The following NRXN1 variants were observed in gnomAD, a reference collection of about 807,000 sequenced individuals.
NRXN1 encodes the protein neurexin-1.
NRXN1 carries 39 observed loss-of-function variants against 150.9 expected under a neutral mutation model. The ratio of observed to expected loss-of-function variants is 0.26; its 90% CI spans 0.20 to 0.34. NRXN1 has a LOEUF of 0.34. NRXN1 is among the 10% of genes least tolerant of loss of function. The probability of loss-of-function intolerance (pLI) is 1.00; values close to 1 mark genes in which losing one functional copy is unlikely to be tolerated. For synonymous variants in NRXN1, 924 were observed against 757.0 expected, an observed-to-expected ratio of 1.22 and a Z score of -3.62; for missense variants, 1,815 against 1,949.9, an observed-to-expected ratio of 0.93 and a Z score of 1.30.
chr2:50,724,931 C>A (rs1697145310), intron 5 of NRXN1, among the ~76,000 whole-genome samples: 1 of 150,996 alleles, frequency 6.6e-6, no homozygotes. Flanking sequence ...AACAAAAAAA[C>A]TGTTGAACAC....
chr2:50,891,678 T>C (rs1253701255), intron 5 of NRXN1, among the ~76,000 whole-genome samples: 4 of 152,094 alleles, frequency 2.6e-5, no homozygotes, highest in Admixed American at 2.0e-4. Flanking sequence ...TATCTTGATA[T>C]ACAAAGTATA....
intron 19 of NRXN1, among the ~76,000 whole-genome samples, chr2:50,057,354 A>T (rs915411294): frequency 6.6e-6 from 1 of 151,998 alleles, no homozygotes; most frequent in Non-Finnish European, 1.5e-5. Context: ...TTCCCACCTC[A>T]TCTCTATCTT....
intron 18 of NRXN1, among the ~76,000 whole-genome samples, chr2:50,157,509 T>C (rs2059096275): frequency 6.6e-6 from 1 of 152,052 alleles, no homozygotes; most frequent in African/African-American, 2.4e-5. Context: ...CAATTCTTAT[T>C]ACAAGACTTT....
Position 50,090,030 on chromosome 2 carries a change from T to C in NRXN1, c.3718+1293A>G, listed in dbSNP as rs183382694. ...CAGCAAATATTTACTGAATGCCTAC[T>C]ATTTGCCAGTATTATAACAGGCACT... On this transcript the variant is annotated intron_variant, in intron 19 of 22. Coordinates refer to ENST00000401669, the MANE Select transcript of NRXN1 (RefSeq NM_001330078.2). Among the ~76,000 whole-genome samples the C allele has an allele frequency of 6.6e-5, 10 of 152,340 alleles. No individual in the cohort carries two copies. The East Asian group carries it at 1.7e-3, about 26-fold the overall frequency.
chr2:50,579,889 T>C (rs982606163), intron 8 of NRXN1, among the ~76,000 whole-genome samples: 1 of 152,110 alleles, frequency 6.6e-6, no homozygotes, highest in African/African-American at 2.4e-5. Context: ...AAGATGGCAA[T>C]GTCACTAAAG....
At chr2:50,737,724 T>C (rs1047735897) in intron 5 of NRXN1, among the ~76,000 whole-genome samples, 1 of 152,114 alleles carries the variant, frequency 6.6e-6, no homozygotes, top group African/African-American at 2.4e-5. Flanking sequence ...GGTAAAACTT[T>C]GCAATTTTTA....
At chr2:50,407,605 C>T (rs951288619) in intron 17 of NRXN1, among the ~76,000 whole-genome samples, 7 of 151,882 alleles carry the variant, frequency 4.6e-5, no homozygotes, top group Non-Finnish European at 8.8e-5. Flanking sequence ...TGTGTTAATC[C>T]ATCTGTGGAT....
chr2:50,547,077 T>G (rs934100385), intron 9 of NRXN1, among the ~76,000 whole-genome samples: 3 of 152,208 alleles, frequency 2.0e-5, no homozygotes, highest in African/African-American at 7.2e-5. Context: ...CCTCTAATTA[T>G]GTGCTCTTGA....
At chr2:50,272,269 C>T (rs1343466241) in intron 17 of NRXN1, among the ~76,000 whole-genome samples, 3 of 152,174 alleles carry the variant, frequency 2.0e-5, no homozygotes, top group Non-Finnish European at 4.4e-5. Flanking sequence ...AGACCTATGA[C>T]ACCAGTTCAC....
intron 5 of NRXN1, among the ~76,000 whole-genome samples, chr2:50,896,770 C>A (rs1278666054): frequency 6.6e-6 from 1 of 152,006 alleles, no homozygotes; most frequent in Non-Finnish European, 1.5e-5. Context: ...TCGCTTGAGC[C>A]CGGGAGGTGG....
intron 17 of NRXN1, among the ~76,000 whole-genome samples, chr2:50,351,763 G>C (rs897274098): frequency 7.2e-5 from 11 of 152,144 alleles, no homozygotes; most frequent in Non-Finnish European, 1.6e-4. Flanking sequence ...ATCCCTAACA[G>C]TTCTTAGTCA....
chr2:50,187,784 A>C (rs550260512), intron 18 of NRXN1, among the ~76,000 whole-genome samples: 5 of 152,166 alleles, frequency 3.3e-5, no homozygotes, highest in African/African-American at 1.2e-4. Flanking sequence ...GTTTTCCTTG[A>C]AGAGGTCCTT....
intron 17 of NRXN1, among the ~76,000 whole-genome samples, chr2:50,439,364 C>T (rs1467000561): frequency 1.3e-5 from 2 of 152,130 alleles, no homozygotes; most frequent in Non-Finnish European, 2.9e-5. Flanking sequence ...TAAGAAAACC[C>T]TTAAGGAAAA....
At chr2:50,446,877 T>C (rs2086461847) in intron 17 of NRXN1, among the ~76,000 whole-genome samples, 1 of 152,096 alleles carries the variant, frequency 6.6e-6, no homozygotes, top group Non-Finnish European at 1.5e-5. Flanking sequence ...AAGTACTTAT[T>C]CAATGGCCAA....
intron 8 of NRXN1, among the ~76,000 whole-genome samples, chr2:50,554,155 T>C (rs1464694085): frequency 1.3e-5 from 2 of 151,508 alleles, no homozygotes; most frequent in Admixed American, 1.3e-4. Flanking sequence ...AAAATGTACA[T>C]ATATATATAT....
intron 17 of NRXN1, among the ~76,000 whole-genome samples, chr2:50,419,788 T>C (rs1243190983): frequency 6.6e-6 from 1 of 152,046 alleles, no homozygotes; most frequent in Admixed American, 6.6e-5. Context: ...TTGTATCTCC[T>C]CCCATTATAT....
At chr2:50,916,775 T>C (rs983142311) in intron 5 of NRXN1, 1 of 151,670 alleles carries the variant, frequency 6.6e-6, no homozygotes, top group Admixed American at 6.6e-5. Context: ...TTAAGGAATG[T>C]ATAATGACAC....
intron 18 of NRXN1, among the ~76,000 whole-genome samples, chr2:50,194,933 G>A (rs2061665693): frequency 6.6e-6 from 1 of 152,118 alleles, no homozygotes; most frequent in Non-Finnish European, 1.5e-5. Context: ...TTAACTGACA[G>A]AGTGAAAGGT....
chr2:50,973,980 T>C (rs558855916), intron 2 of NRXN1, among the ~76,000 whole-genome samples: 108 of 148,438 alleles, frequency 7.3e-4, no homozygotes, highest in South Asian at 2.2e-3. Context: ...CTTGCACTCA[T>C]GAGATAATAC....
Sources: gnomAD v4.1 joint callset for allele counts (sites outside exome capture counted in the v4.1 genomes callset) on GRCh38, gnomAD v4.1.1 for gene constraint, MANE v1.5 for transcripts, NCBI Gene and HGNC (gene_info 2026-07-23, HGNC 2026-07-21) for gene names.